Variants in GCSH observed in about 807,000 individuals in gnomAD.
GCSH encodes glycine cleavage system protein H.
In GCSH, 15 loss-of-function variants were observed where a neutral mutation model predicts 21.3. That is an observed-to-expected ratio of 0.70 (90% confidence interval 0.47 to 1.08). The LOEUF (loss-of-function observed/expected upper bound fraction) is 1.08, where lower values mean the gene tolerates loss of function less well. Among genes scored for constraint, GCSH ranks in the 50% least tolerant of loss-of-function variants. The pLI is 0.00. For missense variants in GCSH, 179 were observed against 217.5 expected, an observed-to-expected ratio of 0.82 and a Z score of 1.11; for synonymous variants, 59 against 84.5, an observed-to-expected ratio of 0.70 and a Z score of 1.66.
In GCSH at chr16:81,086,470, T is replaced by G. The variant is rs8052415; in HGVS notation, c.292+1131A>C. ...TACTTGGGTGGCTGAAAAAGGAGAA[T>G]TGCTTGAACCTAGGAGGCGGAGGTT... On this transcript the variant is annotated intron_variant, in intron 3 of 4. Coordinates refer to ENST00000315467, the MANE Select transcript of GCSH (RefSeq NM_004483.5). Among the ~76,000 whole-genome samples the G allele has an allele frequency of 1.6e-4, 24 of 151,962 alleles. No individual in the cohort carries two copies. In the South Asian group the frequency reaches 4.4e-3, roughly 28 times the overall value.
In GCSH at chr16:81,082,896, A is replaced by G. The variant is rs1478983680; in HGVS notation, c.492T>C (p.Tyr164=). Residue 164 remains tyrosine, a synonymous_variant, in exon 5 of 5, where the codon TAT becomes TAC. Transcript: ENST00000315467. ...ELDELMSEEA[Y]EKYIKSIEE is the part of the protein sequence containing the mutation. ...CCTCAATAGATTTTATGTATTTCTCATATGCTTCTTCACTCATAAGTTCAT... is the reference window on the plus strand; with the variant it reads ...CCTCAATAGATTTTATGTATTTCTCGTATGCTTCTTCACTCATAAGTTCAT... 3 of 1,413,306 alleles carry G rather than the reference A, an allele frequency of 2.1e-6. No homozygotes were observed. The highest frequency in any genetic ancestry group is 2.8e-5 in the African/African-American group (2 of 70,800). 87.5% of individuals were successfully genotyped at this position (1,413,306 alleles called of 1,614,324 possible).
intron 3 of GCSH, among the ~76,000 whole-genome samples, chr16:81,087,326 G>A (rs1972302399): frequency 6.6e-6 from 1 of 152,028 alleles, no homozygotes; most frequent in African/African-American, 2.4e-5. Flanking sequence ...AGGAGTTCGA[G>A]ACCAGCCTTG....
rs958918692 is a variant in GCSH at position 81,096,204 on chromosome 16, G to A, written c.75C>T (p.Pro25=). ...CCAGCTGCCAGGGCCTCGGCGGGCA[G>A]GGCGCGGCGGGTGACGGGACCGCGC... ...TLRAVPSPAA[P]CPPRPWQLGV... is the part of the protein sequence containing the mutation. Residue 25 remains proline (P), a synonymous_variant, in exon 1 of 5, where the codon CCC becomes CCT. Transcript: ENST00000315467. 16 of 1,318,378 alleles carry A rather than the reference G, an allele frequency of 1.2e-5. No individual in the cohort carries two copies. The African/African-American group carries it at 1.2e-4, about 10-fold the overall frequency. 81.7% of individuals were successfully genotyped at this position (1,318,378 alleles called of 1,614,324 possible). A position where few individuals can be genotyped will look rare whatever the true frequency, so the allele number is the denominator to read the frequency against.
intron 3 of GCSH, 74 bp downstream of exon 3, chr16:81,087,527 G>T (rs1972307900): frequency 2.8e-6 from 3 of 1,059,066 alleles, no homozygotes; most frequent in Non-Finnish European, 4.4e-6. Context: ...ATTAATCCAG[G>T]GTACAAACAA....
intron 1 of GCSH, among the ~76,000 whole-genome samples, chr16:81,095,340 G>A (rs973124640): frequency 1.1e-4 from 16 of 147,950 alleles, no homozygotes; most frequent in African/African-American, 4.1e-4. Flanking sequence ...AGTTATGATT[G>A]TTTTATCTAG....
chr16:81,086,301 G>A (rs1174705874), intron 3 of GCSH, among the ~76,000 whole-genome samples: 2 of 151,174 alleles, frequency 1.3e-5, no homozygotes, highest in South Asian at 2.1e-4. Flanking sequence ...GGGAAGCCAA[G>A]GCGGGTAGAT....
intron 1 of GCSH, 133 bp downstream of exon 1, chr16:81,095,998 G>A (rs945653416): frequency 5.6e-6 from 4 of 711,406 alleles, no homozygotes; most frequent in African/African-American, 5.5e-5. Flanking sequence ...GAAATAAGAA[G>A]GGGGCAGGGT....
intron 3 of GCSH, among the ~76,000 whole-genome samples, chr16:81,087,103 T>C (rs1271892771): frequency 6.6e-6 from 1 of 152,092 alleles, no homozygotes; most frequent in Non-Finnish European, 1.5e-5. Flanking sequence ...TCTTGCTCTG[T>C]TGCCCAGGCT....
At chr16:81,090,550 G>A (rs2151771438) in intron 2 of GCSH, 51 bp downstream of exon 2, 1 of 1,223,968 alleles carries the variant, frequency 8.2e-7, no homozygotes, top group South Asian at 1.2e-5. Flanking sequence ...TAGAGATAAA[G>A]CAAATCATGC....
At position 81,082,262 on chromosome 16, in the gene GCSH, T is replaced by G. The variant is rs1343374119; in HGVS notation, c.*604A>C. 2.2e-6 allele frequency: 1 copy of G among 451,342 alleles called. No homozygotes were observed. Among genetic ancestry groups the G allele is most frequent in the African/African-American group, 2.0e-5 (1 of 49,880 alleles). 28.0% of individuals were successfully genotyped at this position (451,342 alleles called of 1,614,324 possible). On this transcript the variant is annotated 3_prime_UTR_variant, in exon 5 of 5. Coordinates refer to ENST00000315467, the MANE Select transcript of GCSH (RefSeq NM_004483.5). The stretch of plus-strand genomic sequence containing the variant: ...AAAGTAACTTTCCGTAAGTTAAAGT[T>G]AGCACTTTCACAAATACTAGCAGAG...
intron 3 of GCSH, 66 bp downstream of exon 3, chr16:81,087,535 C>A: frequency 2.7e-6 from 3 of 1,113,836 alleles, no homozygotes; most frequent in Non-Finnish European, 1.4e-6. Flanking sequence ...AGGGTACAAA[C>A]AAATTACTAT....
In GCSH at chr16:81,082,939, C is replaced by G. The variant is rs780395320; in HGVS notation, c.449G>C (p.Ser150Thr). ...EDGWLIKMTL[S>T]NPSELDELMS... ...AAGTTCATCTAGTTCTGAAGGGTTA[C>G]TCAGTGTCATCTTGATCAGCCAACC... Residue 150 changes from serine to threonine, a missense_variant, in exon 5 of 5, where the codon AGT becomes ACT. Physicochemically the swap from Ser to Thr is moderately conservative, Grantham distance 58. Transcript: ENST00000315467. 6.4e-7 allele frequency: 1 copy of G among 1,573,470 alleles called. No homozygotes were observed.
chr16:81,093,094 T>C (rs1972429180), intron 1 of GCSH, among the ~76,000 whole-genome samples: 2 of 149,778 alleles, frequency 1.3e-5, no homozygotes, highest in South Asian at 4.2e-4. Flanking sequence ...ATTGCACCAT[T>C]GCCTGGGCGA....
intron 1 of GCSH, among the ~76,000 whole-genome samples, chr16:81,092,571 T>A (rs926298912): frequency 2.0e-5 from 3 of 149,124 alleles, no homozygotes; most frequent in Middle Eastern, 3.3e-3. Flanking sequence ...TGAAACCACA[T>A]CTCTACTAAA....
chr16:81,088,882 G>A (rs1972336521), intron 2 of GCSH, among the ~76,000 whole-genome samples: 1 of 152,140 alleles, frequency 6.6e-6, no homozygotes, highest in African/African-American at 2.4e-5. Context: ...TCTCCATCAG[G>A]TAAGTGAATT....
At chr16:81,093,260 T>A (rs1321691918) in intron 1 of GCSH, among the ~76,000 whole-genome samples, 1 of 152,202 alleles carries the variant, frequency 6.6e-6, no homozygotes, top group Non-Finnish European at 1.5e-5. Flanking sequence ...GCCGGTTATA[T>A]GCCAATTATG....
At chr16:81,092,653 G>C (rs183816431) in intron 1 of GCSH, among the ~76,000 whole-genome samples, 18 of 152,008 alleles carry the variant, frequency 1.2e-4, no homozygotes, top group African/African-American at 4.1e-4. Context: ...TGAGGCATGA[G>C]AATTGCTTGA....
Position 81,082,830 on chromosome 16 carries a change from C to A in GCSH, c.*36G>T. On this transcript the variant is annotated 3_prime_UTR_variant, in exon 5 of 5. Coordinates refer to ENST00000315467, the MANE Select transcript of GCSH (RefSeq NM_004483.5). ...AATTTAAGACAACTCTGCTGGCTTG[C>A]GTTATTTCATACTAGTTTATTTAGG... 2 of 916,498 alleles carry A rather than the reference C, an allele frequency of 2.2e-6. No homozygotes were observed. The highest frequency in any genetic ancestry group is 1.8e-6 in the Non-Finnish European group (1 of 549,842). 56.8% of individuals were successfully genotyped at this position (916,498 alleles called of 1,614,324 possible). A position where few individuals can be genotyped will look rare whatever the true frequency, so the allele number is the denominator to read the frequency against.
Position 81,082,660 on chromosome 16 carries a change from T to G in GCSH, c.*206A>C. On this transcript the variant is annotated 3_prime_UTR_variant, in exon 5 of 5. Transcript: ENST00000315467. ...AGAGCCTAGTCTAAAAATCATAGGA[T>G]ATTGTGAAAAAGACGCATATTATAT... The G allele has an allele frequency of 2.2e-6, 1 of 455,962 alleles. No individual in the cohort carries two copies. Among genetic ancestry groups the G allele is most frequent in the South Asian group, 2.2e-5 (1 of 44,624 alleles). The allele number at this position is 455,962 out of a possible 1,614,324, so 28.2% of individuals were successfully genotyped here.
Sources: gnomAD v4.1 joint callset for allele counts (sites outside exome capture counted in the v4.1 genomes callset) on GRCh38, gnomAD v4.1.1 for gene constraint, MANE v1.5 for transcripts, NCBI Gene and HGNC (gene_info 2026-07-23, HGNC 2026-07-21) for gene names.